The following WWTR1 variants were observed in gnomAD, a reference collection of about 807,000 sequenced individuals.
WWTR1 encodes the protein WW domain-containing transcription regulator protein 1.
A neutral mutation model predicts 40.1 loss-of-function variants in WWTR1; 13 were observed. That is an observed-to-expected ratio of 0.32 (90% CI 0.21 to 0.52). The LOEUF (loss-of-function observed/expected upper bound fraction) is 0.52, where lower values mean the gene tolerates loss of function less well. Ranked by LOEUF, WWTR1 falls within the 20% of genes least tolerant of loss-of-function variation. The pLI is 0.97. For missense variants in WWTR1, 436 were observed against 523.1 expected (o/e 0.83, Z 1.63); for synonymous variants, 230 against 210.1 (o/e 1.09, Z -0.82).
intron 4 of WWTR1, among the ~76,000 whole-genome samples, chr3:149,536,274 T>C (rs145478139): frequency 3.3e-5 from 5 of 152,300 alleles, no homozygotes; most frequent in African/African-American, 1.2e-4. Flanking sequence ...GAGGGATTTA[T>C]AGATTCACAA....
At chr3:149,622,498 G>A (rs57586550) in intron 2 of WWTR1, among the ~76,000 whole-genome samples, 5,136 of 49,466 alleles carry the variant, frequency 0.1, 177 homozygotes, top group East Asian at 0.3. Context: ...AGGAAGGAAG[G>A]AAGGAAGAAA....
rs759431545 is a variant in WWTR1 at position 149,657,327 on chromosome 3, G to T, written c.-3-18C>A. On this transcript the variant is annotated intron_variant, in intron 1 of 6. Coordinates refer to ENST00000360632, the MANE Select transcript of WWTR1 (RefSeq NM_015472.6). ...TTCATCTTCTGCAAAAAGAAGGTCA[G>T]ATCAGCCTTTTATTTAAAGTCGGAG... 1 of 1,598,056 alleles carries T rather than the reference G, an allele frequency of 6.3e-7. No homozygotes were observed. The highest frequency in any genetic ancestry group is 1.1e-5 in the South Asian group (1 of 88,514).
chr3:149,652,802 C>G (rs1233372244), intron 2 of WWTR1, among the ~76,000 whole-genome samples: 1 of 151,718 alleles, frequency 6.6e-6, no homozygotes, highest in Admixed American at 6.6e-5. Flanking sequence ...GTTGATAAAT[C>G]AAAACATGGT....
In WWTR1 at chr3:149,657,064, AC is replaced by A; in HGVS notation, c.242del (p.Gly81ValfsTer40). The A allele has an allele frequency of 6.4e-7, 1 of 1,566,906 alleles. No homozygotes were observed. On this transcript the variant is annotated frameshift_variant, in exon 2 of 7. Transcript: ENST00000360632. LOFTEE classifies it high-confidence loss of function. The part of the protein sequence containing the change: ...GGHPGPRLAG[G>X]AQHVRSHSSP... Reference sequence around the variant, plus strand: ...ACGAGTGCGAGCGGACATGCTGGGCACCCCCAGCCAGTCGAGGCCCCGGGTG... The same window carrying A: ...ACGAGTGCGAGCGGACATGCTGGGCACCCCAGCCAGTCGAGGCCCCGGGTG...
At position 149,552,022 on chromosome 3, in the gene WWTR1, T is replaced by TTA. The variant is rs1222222616; in HGVS notation, c.569-9487_569-9486dup. Among the ~76,000 whole-genome samples, 4 of 146,108 alleles carry TTA rather than the reference T, an allele frequency of 2.7e-5. 1 individual carries two copies. Among genetic ancestry groups the TTA allele is most frequent in the Admixed American group, 1.4e-4 (2 of 14,676 alleles). On this transcript the variant is annotated intron_variant, in intron 3 of 6. Coordinates refer to ENST00000360632, the MANE Select transcript of WWTR1 (RefSeq NM_015472.6). ...TTATGACATTTATTTTATGACTGCA[T>TTA]TATATCACCCATAAACATGCACTTG...
intron 2 of WWTR1, among the ~76,000 whole-genome samples, chr3:149,630,132 C>T (rs1711510013): frequency 6.6e-6 from 1 of 152,132 alleles, no homozygotes; most frequent in Non-Finnish European, 1.5e-5. Flanking sequence ...AGGTGTGAGC[C>T]ACCACACCGG....
chr3:149,682,796 C>T (rs992243660), intron 1 of WWTR1, among the ~76,000 whole-genome samples: 1 of 152,108 alleles, frequency 6.6e-6, no homozygotes, highest in East Asian at 1.9e-4. Context: ...GATCTCCCCA[C>T]CCTAGGTAGA....
At chr3:149,703,711 T>C (rs1715261785), upstream of WWTR1, among the ~76,000 whole-genome samples, 1 of 152,120 alleles carries the variant, frequency 6.6e-6, no homozygotes, top group African/African-American at 2.4e-5. Context: ...CTCGACATAA[T>C]GAGTGAGTTC....
chr3:149,613,294 G>A (rs958915040), intron 2 of WWTR1, among the ~76,000 whole-genome samples: 1 of 152,152 alleles, frequency 6.6e-6, no homozygotes, highest in African/African-American at 2.4e-5. Context: ...AGGAACTATG[G>A]CCAATTATCC....
chr3:149,646,332 T>C (rs138817159), intron 2 of WWTR1, among the ~76,000 whole-genome samples: 1 of 152,340 alleles, frequency 6.6e-6, no homozygotes, highest in Admixed American at 6.5e-5. Context: ...GGCTTATACA[T>C]AGCTCACACC....
upstream of WWTR1, chr3:149,659,246 C>T (rs2108170192): frequency 6.6e-6 from 1 of 152,056 alleles, no homozygotes; most frequent in East Asian, 1.9e-4. Flanking sequence ...ATGTAAAGCA[C>T]TTCGCACAGC....
chr3:149,632,031 C>T (rs1469213834), intron 2 of WWTR1, among the ~76,000 whole-genome samples: 1 of 152,078 alleles, frequency 6.6e-6, no homozygotes, highest in Non-Finnish European at 1.5e-5. Context: ...CACCTTAGCT[C>T]CCCTGAGTAG....
chr3:149,558,026 A>G (rs1736913487), intron 3 of WWTR1, among the ~76,000 whole-genome samples: 1 of 151,398 alleles, frequency 6.6e-6, no homozygotes, highest in African/African-American at 2.4e-5. Flanking sequence ...AAAAAGAATT[A>G]TATGTTTTTT....
At chr3:149,694,372 C>T (rs896028796) in intron 1 of WWTR1, among the ~76,000 whole-genome samples, 10 of 151,932 alleles carry the variant, frequency 6.6e-5, no homozygotes, top group Admixed American at 1.3e-4. Flanking sequence ...CCAGCCTGGG[C>T]GACAGAGCAA....
chr3:149,677,375 C>T (rs896645972), intron 1 of WWTR1, among the ~76,000 whole-genome samples: 4 of 152,132 alleles, frequency 2.6e-5, no homozygotes, highest in African/African-American at 4.8e-5. Context: ...AGTAGTGATC[C>T]CAAAATTCTG....
chr3:149,621,456 G>A (rs1357878869), intron 2 of WWTR1, among the ~76,000 whole-genome samples: 2 of 152,120 alleles, frequency 1.3e-5, no homozygotes, highest in Non-Finnish European at 1.5e-5. Context: ...GCAAGAGACC[G>A]CTGCACCACA....
chr3:149,638,739 C>T lies in WWTR1; in HGVS notation c.431+18137G>A, dbSNP rs1284762494. 3.3e-5 allele frequency among the ~76,000 whole-genome samples: 5 copies of T among 152,136 alleles called. No homozygotes were observed. The East Asian group carries it at 5.8e-4, about 18-fold the overall frequency. ...CCATACAATTTATATCCGCTAGTCA[C>T]GCTAGACCCCAGAGTATTAAACATG... On this transcript the variant is annotated intron_variant, in intron 2 of 6. Transcript: ENST00000360632.
chr3:149,543,204 G>A (rs528869758), intron 3 of WWTR1, among the ~76,000 whole-genome samples: 65 of 152,292 alleles, frequency 4.3e-4, no homozygotes, highest in African/African-American at 1.6e-3. Context: ...GTTGTGCCTG[G>A]ATAAACGCAT....
At position 149,601,708 on chromosome 3, in the gene WWTR1, T is replaced by A. The variant is rs201846505; in HGVS notation, c.432-28708A>T. On this transcript the variant is annotated intron_variant, in intron 2 of 6. Coordinates refer to ENST00000360632, the MANE Select transcript of WWTR1 (RefSeq NM_015472.6). ...ACAATGACCCAGAATATGAAAAAAA[T>A]TATTTTTTTTTTTTACTTTTTAAAA... is the stretch of plus-strand genomic sequence containing the variant. 5.3e-3 allele frequency among the ~76,000 whole-genome samples: 309 copies of A among 58,522 alleles called. 1 individual carries two copies. Among genetic ancestry groups the A allele is most frequent in the African/African-American group, 0.019 (285 of 14,642 alleles). The allele number at this position is 58,522 out of a possible 152,430, so 38.4% of individuals were successfully genotyped here.
Sources: allele counts gnomAD v4.1 joint callset (sites outside exome capture counted in the v4.1 genomes callset), GRCh38; gene constraint gnomAD v4.1.1; transcripts MANE v1.5; gene names NCBI Gene and HGNC (gene_info 2026-07-23, HGNC 2026-07-21).